Variants in TTLL11 observed in about 807,000 individuals in gnomAD.
The protein encoded by TTLL11 is tubulin polyglutamylase TTLL11.
In TTLL11, 42 loss-of-function variants were observed where a neutral mutation model predicts 51.7. The observed-to-expected ratio is 0.81, with a 90% CI of 0.64 to 1.05. The LOEUF is 1.05. TTLL11 is among the 50% of genes least tolerant of loss of function. TTLL11 has a pLI of 0.00. For synonymous variants in TTLL11, 381 were observed against 383.5 expected (o/e 0.99, Z 0.08); for missense variants, 799 against 940.4 (o/e 0.85, Z 1.97).
intron 3 of TTLL11, among the ~76,000 whole-genome samples, chr9:122,002,697 A>T (rs1843507633): frequency 6.6e-6 from 1 of 152,090 alleles, no homozygotes; most frequent in South Asian, 2.1e-4. Context: ...CTGTAATCCC[A>T]GCACTTTGGG....
chr9:121,852,550 T>C (rs1220844951), intron 8 of TTLL11, among the ~76,000 whole-genome samples: 8 of 151,860 alleles, frequency 5.3e-5, no homozygotes, highest in African/African-American at 1.9e-4. Context: ...CCTTTGTCTG[T>C]TTTTGGGGGG....
intron 3 of TTLL11, among the ~76,000 whole-genome samples, chr9:122,014,387 A>T (rs1423218759): frequency 1.3e-5 from 2 of 152,142 alleles, no homozygotes; most frequent in Admixed American, 6.5e-5. Flanking sequence ...GAAATAAAAT[A>T]AAAAGACTTG....
chr9:121,994,830 G>A (rs1210525219), intron 3 of TTLL11, among the ~76,000 whole-genome samples: 1 of 152,214 alleles, frequency 6.6e-6, no homozygotes, highest in Non-Finnish European at 1.5e-5. Flanking sequence ...TGGTTGGATG[G>A]TCTGGGGCAG....
chr9:122,089,297 G>A (rs1050820089), intron 1 of TTLL11, among the ~76,000 whole-genome samples: 2 of 152,158 alleles, frequency 1.3e-5, no homozygotes, highest in Non-Finnish European at 2.9e-5. Context: ...AGATACTGTT[G>A]CTCACACCCT....
At chr9:122,015,794 A>T (rs1247278518) in intron 3 of TTLL11, among the ~76,000 whole-genome samples, 1 of 146,318 alleles carries the variant, frequency 6.8e-6, no homozygotes, top group Non-Finnish European at 1.5e-5. Context: ...TTGATGACTA[A>T]ACTCAAAAGA....
At chr9:121,836,835 CAG>C (rs938310071) in intron 8 of TTLL11, among the ~76,000 whole-genome samples, 1 of 152,192 alleles carries the variant, frequency 6.6e-6, no homozygotes, top group African/African-American at 2.4e-5. Context: ...AAAATTCAGA[CAG>C]AGGCAATGCA....
chr9:122,030,776 C>CAAAAAAA (rs35456581), intron 3 of TTLL11, among the ~76,000 whole-genome samples: 3 of 69,322 alleles, frequency 4.3e-5, no homozygotes, highest in African/African-American at 1.0e-4. Flanking sequence ...ACAAAAAATA[C>CAAAAAAA]AAAAAAAAAA....
intron 8 of TTLL11, among the ~76,000 whole-genome samples, chr9:121,850,739 C>G (rs1197853475): frequency 6.6e-6 from 1 of 152,114 alleles, no homozygotes; most frequent in Non-Finnish European, 1.5e-5. Context: ...ACAGACACAC[C>G]CAGAACTAAT....
In TTLL11 at chr9:121,981,599, AT is replaced by A. The variant is rs533369501; in HGVS notation, c.1270-6621del. Reference sequence around the variant, plus strand: ...TTCCTATTTTGTGGAATGTTTAGAGATTTTTTATAATTGAATGCTGGACGTT... The same window carrying A: ...TTCCTATTTTGTGGAATGTTTAGAGATTTTTATAATTGAATGCTGGACGTT... On this transcript the variant is annotated intron_variant, in intron 4 of 8. Coordinates refer to ENST00000321582, the MANE Select transcript of TTLL11 (RefSeq NM_001139442.2). 1.5e-3 allele frequency among the ~76,000 whole-genome samples: 221 copies of A among 152,176 alleles called. 1 individual carries two copies. Among genetic ancestry groups the A allele is most frequent in the African/African-American group, 4.9e-3 (205 of 41,504 alleles).
intron 8 of TTLL11, among the ~76,000 whole-genome samples, chr9:121,851,992 A>G (rs953165690): frequency 7.2e-5 from 11 of 152,140 alleles, no homozygotes; most frequent in Admixed American, 4.6e-4. Flanking sequence ...CGGGGCTCAC[A>G]TCTTCATGTG....
At position 121,817,261 on chromosome 9, in the gene TTLL11, T is replaced by A. The variant is rs1171227761; in HGVS notation, c.*5326A>T. 6.6e-6 allele frequency: 1 copy of A among 151,914 alleles called. No homozygotes were observed. The highest frequency in any genetic ancestry group is 2.4e-5 in the African/African-American group (1 of 41,316). The allele number at this position is 151,914 out of a possible 1,614,324, so 9.4% of individuals were successfully genotyped here. On this transcript the variant is annotated 3_prime_UTR_variant, in exon 9 of 9. Coordinates refer to ENST00000321582, the MANE Select transcript of TTLL11 (RefSeq NM_001139442.2). The stretch of plus-strand genomic sequence containing the variant: ...GGAATCATTTCTCAGCCTACGAATG[T>A]CTTTAAACATGTGGGAATGAAGGGG...
chr9:122,056,604 T>C (rs1328774358), intron 1 of TTLL11, among the ~76,000 whole-genome samples: 1 of 152,164 alleles, frequency 6.6e-6, no homozygotes, highest in East Asian at 1.9e-4. Context: ...TTAACTGTCA[T>C]AGAACTGCGG....
intron 3 of TTLL11, among the ~76,000 whole-genome samples, chr9:122,029,537 A>G (rs1036070149): frequency 1.2e-4 from 18 of 152,246 alleles, no homozygotes; most frequent in Non-Finnish European, 2.5e-4. Context: ...ATTTAAACAT[A>G]GAAAAAGGCT....
chr9:121,852,345 C>T (rs1837685977), intron 8 of TTLL11, among the ~76,000 whole-genome samples: 1 of 152,142 alleles, frequency 6.6e-6, no homozygotes, highest in Admixed American at 6.5e-5. Context: ...CTGAGGCTCC[C>T]AGAGGTGCAG....
chr9:122,006,291 A>G (rs527732611), intron 3 of TTLL11, among the ~76,000 whole-genome samples: 2 of 151,854 alleles, frequency 1.3e-5, no homozygotes, highest in South Asian at 2.1e-4. Context: ...CAGTGAGCTG[A>G]GATGGCACCA....
At chr9:121,834,596 A>G (rs760436946) in intron 8 of TTLL11, among the ~76,000 whole-genome samples, 27 of 152,066 alleles carry the variant, frequency 1.8e-4, no homozygotes, top group Non-Finnish European at 2.5e-4. Context: ...TGGGAGGCCA[A>G]AGCAGGTAGA....
chr9:121,897,037 T>C (rs1252250815), intron 6 of TTLL11, among the ~76,000 whole-genome samples: 1 of 152,096 alleles, frequency 6.6e-6, no homozygotes, highest in South Asian at 2.1e-4. Context: ...CCTAACAGTC[T>C]AGCAGTCAAT....
Position 121,927,466 on chromosome 9 carries a change from T to C in TTLL11, c.1481+46543A>G, listed in dbSNP as rs1386726005. ...CCTCTCCCTGAACTATGATCCAGCTTTTTGGATCAGTCAATCCTGCTACAT... is the reference window on the plus strand; with the variant it reads ...CCTCTCCCTGAACTATGATCCAGCTCTTTGGATCAGTCAATCCTGCTACAT... On this transcript the variant is annotated intron_variant, in intron 6 of 8. Transcript: ENST00000321582. Among the ~76,000 whole-genome samples, 3 of 152,232 alleles carry C rather than the reference T, an allele frequency of 2.0e-5. No homozygotes were observed. In the East Asian group the frequency reaches 5.8e-4, roughly 29 times the overall value.
At position 121,881,716 on chromosome 9, in the gene TTLL11, G is replaced by A. The variant is rs185734694; in HGVS notation, c.1482-10968C>T. Among the ~76,000 whole-genome samples the A allele has an allele frequency of 3.4e-4, 52 of 152,296 alleles. 1 individual carries two copies. Among genetic ancestry groups the A allele is most frequent in the Admixed American group, 2.0e-3 (30 of 15,302 alleles). On this transcript the variant is annotated intron_variant, in intron 6 of 8. Transcript: ENST00000321582. Reference sequence around the variant, plus strand: ...TGCACTGATGCGAATGAGGCCTTACGAGGCAGATCCCACAGACCTTTCTCA... The same window carrying A: ...TGCACTGATGCGAATGAGGCCTTACAAGGCAGATCCCACAGACCTTTCTCA...
Sources: gnomAD v4.1 joint callset for allele counts (sites outside exome capture counted in the v4.1 genomes callset) on GRCh38, gnomAD v4.1.1 for gene constraint, MANE v1.5 for transcripts, NCBI Gene and HGNC (gene_info 2026-07-23, HGNC 2026-07-21) for gene names.